The following DOLK variants were observed in gnomAD, a reference collection of about 807,000 sequenced individuals.
DOLK encodes dolichol kinase.
DOLK carries 20 observed loss-of-function variants against 31.7 expected under a neutral mutation model. The ratio of observed to expected loss-of-function variants is 0.63; its 90% confidence interval spans 0.44 to 0.92. DOLK has a LOEUF of 0.92. Among genes scored for constraint, DOLK ranks in the 40% least tolerant of loss-of-function variants. The probability of loss-of-function intolerance (pLI) is 0.00; values close to 1 mark genes in which losing one functional copy is unlikely to be tolerated. For synonymous variants in DOLK, 309 were observed against 287.0 expected (o/e 1.08, Z -0.77); for missense variants, 594 against 680.7 (o/e 0.87, Z 1.42).
chr9:128,946,078 ATG>A lies in DOLK; in HGVS notation c.1224_1225del (p.Ile409LeufsTer22), dbSNP rs1223257193. The A allele has an allele frequency of 6.2e-6, 10 of 1,614,012 alleles. No individual in the cohort carries two copies. Among genetic ancestry groups the A allele is most frequent in the Non-Finnish European group, 8.5e-6 (10 of 1,180,044 alleles). ...AAGAGACATGCCCAGGAGCAGGTAG[ATG>A]TGTGTCAGAATGAGTGGTCCACTGT... On this transcript the variant is annotated frameshift_variant, in exon 1 of 1. Coordinates refer to ENST00000372586, the MANE Select transcript of DOLK (RefSeq NM_014908.4). LOFTEE classifies it high-confidence loss of function.
Position 128,947,046 on chromosome 9 carries a change from C to T in DOLK, c.258G>A (p.Met86Ile), listed in dbSNP as rs1588262891. The change falls in exon 1 of 1, where the codon ATG becomes ATA. Residue 86 changes from methionine (M) to isoleucine (I), a missense_variant. Coordinates refer to ENST00000372586, the MANE Select transcript of DOLK (RefSeq NM_014908.4). ...SANSGLLPAS[M>I]VMPLLGLVMK... Reference sequence around the variant, plus strand: ...TGACTAGTCCAAGCAAAGGCATGACCATGGAGGCGGGCAATAGGCCACTGT... The same window carrying T: ...TGACTAGTCCAAGCAAAGGCATGACTATGGAGGCGGGCAATAGGCCACTGT... 1 of 1,613,614 alleles carries T rather than the reference C, an allele frequency of 6.2e-7. No individual in the cohort carries two copies. The highest frequency in any genetic ancestry group is 2.2e-5 in the East Asian group (1 of 44,868).
In DOLK at chr9:128,946,503, G is replaced by A. The variant is rs779764009; in HGVS notation, c.801C>T (p.Ser267=). 1.2e-6 allele frequency: 2 copies of A among 1,614,116 alleles called. No homozygotes were observed. Among genetic ancestry groups the A allele is most frequent in the Non-Finnish European group, 1.7e-6 (2 of 1,180,030 alleles). Residue 267 remains serine (S), a synonymous_variant, in exon 1 of 1, where the codon AGC becomes AGT. Transcript: ENST00000372586. ...IFFHLMTCVL[S]LGVVLPWLHR... ...GCAGCCAGGGTAGGACCACACCAAG[G>A]CTCAGCACACAGGTCATGAGGTGGA... is the stretch of plus-strand genomic sequence containing the variant.
chr9:128,945,936 G>C lies in DOLK; in HGVS notation c.1368C>G (p.Ile456Met). ...GGATCTCCCCCATGGTGCTACCGAA[G>C]ATGGAGGCCACAGTATCACCCACAC... is the stretch of plus-strand genomic sequence containing the variant. ...AVGVGDTVASIFGSTMGEIRW... is the reference protein window; with the variant it reads ...AVGVGDTVASMFGSTMGEIRW... The change falls in exon 1 of 1, where the codon ATC (isoleucine) becomes ATG (methionine). Residue 456 changes from isoleucine (I) to methionine (M), a missense_variant. By Grantham distance (10) the Ile-to-Met change is conservative. Coordinates refer to ENST00000372586, the MANE Select transcript of DOLK (RefSeq NM_014908.4). The C allele has an allele frequency of 6.2e-7, 1 of 1,614,174 alleles. No homozygotes were observed. Among genetic ancestry groups the C allele is most frequent in the Middle Eastern group, 1.6e-4 (1 of 6,062 alleles).
chr9:128,946,220 C>T lies in DOLK; in HGVS notation c.1084G>A (p.Ala362Thr). 1 of 1,614,150 alleles carries T rather than the reference C, an allele frequency of 6.2e-7. No homozygotes were observed. Among genetic ancestry groups the T allele is most frequent in the Non-Finnish European group, 8.5e-7 (1 of 1,180,044 alleles). The change falls in exon 1 of 1, where the codon GCC (alanine) becomes ACC (threonine). Residue 362 changes from alanine to threonine, a missense_variant. Coordinates refer to ENST00000372586, the MANE Select transcript of DOLK (RefSeq NM_014908.4). The stretch of plus-strand genomic sequence containing the variant: ...AAGACCGCCAGGCATACAGTGGCGG[C>T]TACATAGAGCAGTGGCCGGTCAAAG... ...IIFDRPLLYV[A>T]ATVCLAVFIF... is the part of the protein sequence containing the mutation.
In DOLK at chr9:128,946,290, CT is replaced by C; in HGVS notation, c.1013del (p.Lys338SerfsTer8). ...KKHQAPTIAR[K>X]YFHLIVVATY... ...TGGCTACCACAATGAGGTGGAAATA[CT>C]TTCGGGCGATGGTGGGGGCCTGGTG... On this transcript the variant is annotated frameshift_variant, in exon 1 of 1. Coordinates refer to ENST00000372586, the MANE Select transcript of DOLK (RefSeq NM_014908.4). LOFTEE classifies it high-confidence loss of function. The C allele has an allele frequency of 1.2e-6, 2 of 1,614,102 alleles. No homozygotes were observed. The highest frequency in any genetic ancestry group is 1.7e-6 in the Non-Finnish European group (2 of 1,180,030).
rs1261719011 is a variant in DOLK, at chr9:128,946,875, G to C, written c.429C>G (p.Ile143Met). 1.2e-5 allele frequency: 19 copies of C among 1,608,334 alleles called. No individual in the cohort carries two copies. The highest frequency in any genetic ancestry group is 5.3e-5 in the African/African-American group (4 of 74,906). ...TRPVPTNTCV[I>M]LGLAGGVIIY... ...TGATAACACCTCCAGCCAAGCCCAA[G>C]ATGACACAAGTGTTGGTTGGCACTG... The change falls in exon 1 of 1, where the codon ATC (isoleucine) becomes ATG (methionine). Residue 143 changes from isoleucine to methionine, a missense_variant. Physicochemically the swap from Ile to Met is conservative, Grantham distance 10. Coordinates refer to ENST00000372586, the MANE Select transcript of DOLK (RefSeq NM_014908.4).
chr9:128,947,579 C>A lies in DOLK; in HGVS notation c.-276G>T. 1 of 1,120,856 alleles carries A rather than the reference C, an allele frequency of 8.9e-7. No homozygotes were observed. 69.4% of individuals were successfully genotyped at this position (1,120,856 alleles called of 1,614,324 possible). A position where few individuals can be genotyped will look rare whatever the true frequency, so the allele number is the denominator to read the frequency against. On this transcript the variant is annotated 5_prime_UTR_variant, in exon 1 of 1. Transcript: ENST00000372586. ...AGCCGCCCCCGCTGCCGGCTCCTCA[C>A]CTCTTTGGGCCTCGCCATCTTGGCA...
Position 128,946,092 on chromosome 9 carries a change from G to A in DOLK, c.1212C>T (p.Leu404=). Residue 404 remains leucine, a synonymous_variant, in exon 1 of 1, where the codon CTC becomes CTT. Transcript: ENST00000372586. ...GGAGCAGGTAGATGTGTGTCAGAAT[G>A]AGTGGTCCACTGTCTCGTTCATCCA... is the stretch of plus-strand genomic sequence containing the variant. The part of the protein sequence containing the change: ...LFLDERDSGP[L]ILTHIYLLLG... 6.2e-7 allele frequency: 1 copy of A among 1,614,194 alleles called. No individual in the cohort carries two copies. The highest frequency in any genetic ancestry group is 8.5e-7 in the Non-Finnish European group (1 of 1,180,042).
Position 128,947,040 on chromosome 9 carries a change from C to T in DOLK, c.264G>A (p.Met88Ile). Residue 88 changes from methionine to isoleucine, a missense_variant, in exon 1 of 1, where the codon ATG (methionine) becomes ATA (isoleucine). Coordinates refer to ENST00000372586, the MANE Select transcript of DOLK (RefSeq NM_014908.4). ...NSGLLPASMV[M>I]PLLGLVMKER... ...CCTTCATGACTAGTCCAAGCAAAGG[C>T]ATGACCATGGAGGCGGGCAATAGGC... 6.2e-7 allele frequency: 1 copy of T among 1,613,410 alleles called. No homozygotes were observed. The highest frequency in any genetic ancestry group is 8.5e-7 in the Non-Finnish European group (1 of 1,180,022).
In DOLK at chr9:128,947,569, C is replaced by T. The variant is rs964052611; in HGVS notation, c.-266G>A. The T allele has an allele frequency of 1.1e-4, 114 of 1,048,050 alleles. No homozygotes were observed. Among genetic ancestry groups the T allele is most frequent in the Non-Finnish European group, 1.4e-4 (104 of 737,574 alleles). The allele number at this position is 1,048,050 out of a possible 1,614,324, so 64.9% of individuals were successfully genotyped here. Reference sequence around the variant, plus strand: ...TCACAGTTACAGCCGCCCCCGCTGCCGGCTCCTCACCTCTTTGGGCCTCGC... The same window carrying T: ...TCACAGTTACAGCCGCCCCCGCTGCTGGCTCCTCACCTCTTTGGGCCTCGC... On this transcript the variant is annotated 5_prime_UTR_variant, in exon 1 of 1. Coordinates refer to ENST00000372586, the MANE Select transcript of DOLK (RefSeq NM_014908.4).
At position 128,946,878 on chromosome 9, in the gene DOLK, G is replaced by C. The variant is rs1465958631; in HGVS notation, c.426C>G (p.Val142=). 6.2e-7 allele frequency: 1 copy of C among 1,608,208 alleles called. No individual in the cohort carries two copies. Among genetic ancestry groups the C allele is most frequent in the East Asian group, 2.2e-5 (1 of 44,868 alleles). ...ITRPVPTNTC[V]ILGLAGGVII... Reference sequence around the variant, plus strand: ...TAACACCTCCAGCCAAGCCCAAGATGACACAAGTGTTGGTTGGCACTGGGC... The same window carrying C: ...TAACACCTCCAGCCAAGCCCAAGATCACACAAGTGTTGGTTGGCACTGGGC... The change falls in exon 1 of 1, where the codon GTC becomes GTG. Residue 142 remains valine, a synonymous_variant. Coordinates refer to ENST00000372586, the MANE Select transcript of DOLK (RefSeq NM_014908.4).
chr9:128,946,663 G>C lies in DOLK; in HGVS notation c.641C>G (p.Thr214Arg). ...VLNQLIKRSL[T>R]LVESQGDPVD... is the part of the protein sequence containing the mutation. ...TGGGTCCCCCTGACTTTCCACCAGT[G>C]TCAGAGAGCGCTTGATGAGCTGGTT... The change falls in exon 1 of 1, where the codon ACA becomes AGA. Residue 214 changes from threonine (T) to arginine (R), a missense_variant. Physicochemically the swap from Thr to Arg is moderately conservative, Grantham distance 71. Coordinates refer to ENST00000372586, the MANE Select transcript of DOLK (RefSeq NM_014908.4). 6.2e-7 allele frequency: 1 copy of C among 1,614,148 alleles called. No individual in the cohort carries two copies. The highest frequency in any genetic ancestry group is 2.2e-5 in the East Asian group (1 of 44,878).
rs530303409 is a variant in DOLK, at chr9:128,947,406, A to G, written c.-103T>C. The G allele has an allele frequency of 3.4e-5, 49 of 1,425,788 alleles. No homozygotes were observed. The African/African-American group carries it at 5.1e-4, about 15-fold the overall frequency. The allele number at this position is 1,425,788 out of a possible 1,614,324, so 88.3% of individuals were successfully genotyped here. The stretch of plus-strand genomic sequence containing the variant: ...CAGAGGGAGGCACTTTCACCCGGCC[A>G]GCAACCTTCTCCCTCCGTTCTCCAG... On this transcript the variant is annotated 5_prime_UTR_variant, in exon 1 of 1. Coordinates refer to ENST00000372586, the MANE Select transcript of DOLK (RefSeq NM_014908.4).
In DOLK at chr9:128,945,961, CCCACAG is replaced by C; in HGVS notation, c.1337_1342del (p.Ala446_Val447del). 1 of 1,614,188 alleles carries C rather than the reference CCCACAG, an allele frequency of 6.2e-7. No individual in the cohort carries two copies. The highest frequency in any genetic ancestry group is 1.3e-5 in the African/African-American group (1 of 75,046). ...GATGGAGGCCACAGTATCACCCACA[CCCACAG>C]CCAGGACACCGGCATAGGGGACGAG... On this transcript the variant is annotated inframe_deletion, in exon 1 of 1. Transcript: ENST00000372586.
At position 128,946,454 on chromosome 9, in the gene DOLK, G is replaced by A. The variant is rs753819983; in HGVS notation, c.850C>T (p.Leu284=). ...WLHRLIRRNP[L]LWLLQFLFQT... is the part of the protein sequence containing the mutation. ...AAGAGAAACTGAAGAAGCCAGAGCAGGGGATTCCTGCGGATGAGCCGGTGC... is the reference window on the plus strand; with the variant it reads ...AAGAGAAACTGAAGAAGCCAGAGCAAGGGATTCCTGCGGATGAGCCGGTGC... Residue 284 remains leucine, a synonymous_variant, in exon 1 of 1, where the codon CTG becomes TTG. Coordinates refer to ENST00000372586, the MANE Select transcript of DOLK (RefSeq NM_014908.4). The A allele has an allele frequency of 1.2e-6, 2 of 1,614,120 alleles. No homozygotes were observed. Among genetic ancestry groups the A allele is most frequent in the East Asian group, 2.2e-5 (1 of 44,884 alleles).
Position 128,947,354 on chromosome 9 carries a change from G to A in DOLK, c.-51C>T. 2.5e-6 allele frequency: 4 copies of A among 1,608,132 alleles called. No homozygotes were observed. The highest frequency in any genetic ancestry group is 3.4e-6 in the Non-Finnish European group (4 of 1,177,888). Reference sequence around the variant, plus strand: ...GGCCGGGGCGACTACGGACGCCCTAGACTTCGGGCCCCTCAGCCCCGTCAA... The same window carrying A: ...GGCCGGGGCGACTACGGACGCCCTAAACTTCGGGCCCCTCAGCCCCGTCAA... On this transcript the variant is annotated 5_prime_UTR_variant, in exon 1 of 1. Transcript: ENST00000372586.
Position 128,946,309 on chromosome 9 carries a change from G to T in DOLK, c.995C>A (p.Ala332Asp), listed in dbSNP as rs751318146. ...GAAATACTTTCGGGCGATGGTGGGGGCCTGGTGCTTCTTGGACTCGGAAGA... is the reference window on the plus strand; with the variant it reads ...GAAATACTTTCGGGCGATGGTGGGGTCCTGGTGCTTCTTGGACTCGGAAGA... Reference protein sequence around the residue: ...RSSSESKKHQAPTIARKYFHL... With the variant: ...RSSSESKKHQDPTIARKYFHL... Residue 332 changes from alanine (A) to aspartate (D), a missense_variant, in exon 1 of 1, where the codon GCC becomes GAC. Ala to Asp is a moderately radical substitution (Grantham distance 126). Transcript: ENST00000372586. 1.2e-6 allele frequency: 2 copies of T among 1,614,170 alleles called. No individual in the cohort carries two copies. The highest frequency in any genetic ancestry group is 2.2e-5 in the South Asian group (2 of 91,088).
rs1180339847 is a variant in DOLK at position 128,945,847 on chromosome 9, G to T, written c.1457C>A (p.Ser486Tyr). The stretch of plus-strand genomic sequence containing the variant: ...GTCAAAGATTAAGATCAGAGCTACA[G>T]AAATGATCTGCGCAAATATAGATGT... ...TMTSIFAQII[S>Y]VALILIFDSG... Residue 486 changes from serine (S) to tyrosine (Y), a missense_variant, in exon 1 of 1, where the codon TCT becomes TAT. Ser to Tyr is a moderately radical substitution (Grantham distance 144, BLOSUM62 -2). Transcript: ENST00000372586. 6.2e-7 allele frequency: 1 copy of T among 1,614,246 alleles called. No individual in the cohort carries two copies. Among genetic ancestry groups the T allele is most frequent in the East Asian group, 2.2e-5 (1 of 44,890 alleles).
chr9:128,947,186 C>T lies in DOLK; in HGVS notation c.118G>A (p.Asp40Asn), dbSNP rs1449204821. 1 of 1,613,218 alleles carries T rather than the reference C, an allele frequency of 6.2e-7. No individual in the cohort carries two copies. Among genetic ancestry groups the T allele is most frequent in the African/African-American group, 1.3e-5 (1 of 75,046 alleles). ...VVLSIHATVW[D>N]RYSWCAVALA... ...GCCACGGCGCACCACGAGTATCGGT[C>T]CCATACGGTTGCGTGGATGCTCAGC... Residue 40 changes from aspartate (D) to asparagine (N), a missense_variant, in exon 1 of 1, where the codon GAC becomes AAC. By Grantham distance (23) the Asp-to-Asn change is conservative. Coordinates refer to ENST00000372586, the MANE Select transcript of DOLK (RefSeq NM_014908.4).
Sources: gnomAD v4.1 joint callset for allele counts on GRCh38, gnomAD v4.1.1 for gene constraint, MANE v1.5 for transcripts, NCBI Gene and HGNC (gene_info 2026-07-23, HGNC 2026-07-21) for gene names.